Variants in PRPH2 observed in about 807,000 individuals in gnomAD.
The protein encoded by PRPH2 is peripherin 2, also known as peripherin-2.
In PRPH2, 17 loss-of-function variants were observed where a neutral mutation model predicts 31.3. The observed-to-expected ratio is 0.54, with a 90% confidence interval of 0.37 to 0.81. The LOEUF is 0.81. Ranked by LOEUF, PRPH2 falls within the 40% of genes least tolerant of loss-of-function variation. The probability of loss-of-function intolerance (pLI) is 0.00; values close to 1 mark genes in which losing one functional copy is unlikely to be tolerated. For missense variants in PRPH2, 430 were observed against 439.7 expected (o/e 0.98, Z 0.20); for synonymous variants, 165 against 184.4 (o/e 0.89, Z 0.85).
At chr6:42,719,331 C>T (rs1212823888) in intron 1 of PRPH2, among the ~76,000 whole-genome samples, 9 of 151,988 alleles carry the variant, frequency 5.9e-5, no homozygotes, top group Admixed American at 2.0e-4. Flanking sequence ...CATGCCACCA[C>T]ACCCAGCTAA....
At chr6:42,710,659 C>T (rs1400738506) in intron 1 of PRPH2, among the ~76,000 whole-genome samples, 3 of 152,116 alleles carry the variant, frequency 2.0e-5, no homozygotes, top group Admixed American at 6.6e-5. Context: ...GGAGGAGTCA[C>T]TAGGGTTTGA....
chr6:42,698,390 A>C lies in PRPH2; in HGVS notation c.946T>G (p.Trp316Gly), dbSNP rs202230698. ...WLLERSVPET[W>G]KAFLESVKKL... The stretch of plus-strand genomic sequence containing the variant: ...TTCACACTCTCCAGAAAGGCCTTCC[A>C]GGTCTCCGGCACGCTCCTCTCCAGC... The change falls in exon 3 of 3, where the codon TGG becomes GGG. Residue 316 changes from tryptophan (W) to glycine (G), a missense_variant. Coordinates refer to ENST00000230381, the MANE Select transcript of PRPH2 (RefSeq NM_000322.5). The C allele has an allele frequency of 3.6e-5, 58 of 1,613,876 alleles. No homozygotes were observed. In the East Asian group the frequency reaches 5.1e-4, roughly 14 times the overall value.
intron 1 of PRPH2, among the ~76,000 whole-genome samples, chr6:42,716,618 T>TG (rs1167525905): frequency 0.019 from 2,560 of 137,274 alleles, 129 homozygotes; most frequent in African/African-American, 0.064. Flanking sequence ...GTTGGTTTTT[T>TG]TTTTTTTTTT....
chr6:42,705,215 T>G (rs1800131816), intron 1 of PRPH2, among the ~76,000 whole-genome samples: 1 of 152,200 alleles, frequency 6.6e-6, no homozygotes, highest in Admixed American at 6.5e-5. Context: ...TCCAGGCTGA[T>G]GGGCGGGGCT....
chr6:42,710,533 C>CT (rs1031573671), intron 1 of PRPH2, among the ~76,000 whole-genome samples: 4 of 152,204 alleles, frequency 2.6e-5, no homozygotes, highest in Admixed American at 2.6e-4. Context: ...CTCTCACCCT[C>CT]TTAAGACAAA....
Position 42,722,188 on chromosome 6 carries a change from G to A in PRPH2, c.147C>T (p.Ser49=), listed in dbSNP as rs372456408. Residue 49 remains serine (S), a synonymous_variant, in exon 1 of 3, where the codon AGC becomes AGT. Coordinates refer to ENST00000230381, the MANE Select transcript of PRPH2 (RefSeq NM_000322.5). The surrounding 1 kb of genome is among the most constrained non-coding windows in gnomAD (Gnocchi z 4.4). ...LFLKIELRKR[S]DVMNNSESHF... ...GGCTCTCAGAATTATTCATCACATC[G>A]CTCCTCTTTCGGAGTTCAATCTTCA... 9.3e-6 allele frequency: 15 copies of A among 1,614,012 alleles called. No homozygotes were observed. Among genetic ancestry groups the A allele is most frequent in the Admixed American group, 6.7e-5 (4 of 59,996 alleles).
intron 1 of PRPH2, among the ~76,000 whole-genome samples, chr6:42,716,255 G>T (rs1307642986): frequency 6.6e-6 from 1 of 151,642 alleles, no homozygotes; most frequent in African/African-American, 2.4e-5. Flanking sequence ...TGGGGAGAGG[G>T]GAAACAAAAA....
chr6:42,703,309 C>T (rs1800080873), intron 2 of PRPH2, among the ~76,000 whole-genome samples: 1 of 152,132 alleles, frequency 6.6e-6, no homozygotes. Flanking sequence ...CATTGCAAGC[C>T]CTATAGCTAC....
intron 1 of PRPH2, among the ~76,000 whole-genome samples, chr6:42,705,953 CGT>C (rs1800155706): frequency 9.2e-6 from 1 of 108,446 alleles, no homozygotes; most frequent in Non-Finnish European, 1.9e-5. Context: ...AGTGAGACCC[CGT>C]CTCAAAAAAA....
chr6:42,709,259 G>A (rs532295192), intron 1 of PRPH2, among the ~76,000 whole-genome samples: 3 of 150,808 alleles, frequency 2.0e-5, no homozygotes, highest in African/African-American at 7.4e-5. Flanking sequence ...GAACCAGGGA[G>A]GTGGAGATTG....
Position 42,697,897 on chromosome 6 carries a change from TGG to T in PRPH2, c.*396_*397del. 1 of 202,128 alleles carries T rather than the reference TGG, an allele frequency of 4.9e-6. No homozygotes were observed. The highest frequency in any genetic ancestry group is 1.0e-5 in the Non-Finnish European group (1 of 99,124). The allele number at this position is 202,128 out of a possible 1,614,324, so 12.5% of individuals were successfully genotyped here. ...ACACTTTGGATAGAGTGAAGCAACA[TGG>T]AGCTCATAAGAGGTAAATTCTAAAA... On this transcript the variant is annotated 3_prime_UTR_variant, in exon 3 of 3. Transcript: ENST00000230381.
intron 1 of PRPH2, among the ~76,000 whole-genome samples, chr6:42,709,334 T>TAAAAAA (rs58632063): frequency 0.012 from 962 of 76,966 alleles, 15 homozygotes; most frequent in East Asian, 0.08. Flanking sequence ...TGTCTCAAAT[T>TAAAAAA]AAAAAAAAAA....
chr6:42,702,685 C>A lies in PRPH2; in HGVS notation c.828+1680G>T, dbSNP rs74717455. ...AGGAGTTCAAGACCAGCTTGGCCAA[C>A]ATGGTAAAACCCCATCTCTACTAAA... On this transcript the variant is annotated intron_variant, in intron 2 of 2. Coordinates refer to ENST00000230381, the MANE Select transcript of PRPH2 (RefSeq NM_000322.5). Among the ~76,000 whole-genome samples the A allele has an allele frequency of 5.0e-4, 75 of 150,542 alleles. 2 individuals carry two copies. The East Asian group carries it at 8.3e-3, about 17-fold the overall frequency.
chr6:42,716,133 G>A (rs974365546), intron 1 of PRPH2, among the ~76,000 whole-genome samples: 29 of 152,138 alleles, frequency 1.9e-4, no homozygotes, highest in African/African-American at 6.8e-4. Flanking sequence ...TTTTCTCCAG[G>A]CTACCCATGC....
intron 2 of PRPH2, among the ~76,000 whole-genome samples, chr6:42,700,116 G>A (rs1215865998): frequency 6.6e-6 from 1 of 151,906 alleles, no homozygotes; most frequent in Non-Finnish European, 1.5e-5. Context: ...CAAAAACTTG[G>A]CACCACGCCT....
intron 1 of PRPH2, among the ~76,000 whole-genome samples, chr6:42,712,711 C>T (rs1429451639): frequency 6.6e-6 from 1 of 151,650 alleles, no homozygotes; most frequent in East Asian, 1.9e-4. Context: ...GCCACTGTGC[C>T]CAGCCTGTTT....
intron 1 of PRPH2, among the ~76,000 whole-genome samples, chr6:42,709,349 A>ACAAAAC (rs57333654): frequency 1.4e-5 from 2 of 147,776 alleles, no homozygotes; most frequent in East Asian, 4.1e-4. Flanking sequence ...AAAAAAAAAA[A>ACAAAAC]AAAAAACTTG....
rs1761914575 is a variant in PRPH2, at chr6:42,722,072, G to A, written c.263C>T (p.Pro88Leu). ...AGKICYDALD[P>L]AKYARWKPWL... ...GGGCTTCCATCTGGCATACTTGGCT[G>A]GGTCCAGGGCGTCGTAGCAGATCTT... The change falls in exon 1 of 3, where the codon CCA becomes CTA. Residue 88 changes from proline (P) to leucine (L), a missense_variant. Transcript: ENST00000230381. This position sits in a 1 kb window ranked among gnomAD's most constrained non-coding sequence, Gnocchi z 4.4. 1 of 1,614,190 alleles carries A rather than the reference G, an allele frequency of 6.2e-7. No individual in the cohort carries two copies. Among genetic ancestry groups the A allele is most frequent in the Non-Finnish European group, 8.5e-7 (1 of 1,180,022 alleles).
rs61755797 is a variant in PRPH2 at position 42,704,565 on chromosome 6, G to C, written c.628C>G (p.Pro210Ala). The C allele has an allele frequency of 6.2e-7, 1 of 1,614,168 alleles. No individual in the cohort carries two copies. The highest frequency in any genetic ancestry group is 1.1e-5 in the South Asian group (1 of 91,076). Residue 210 changes from proline to alanine, a missense_variant, in exon 2 of 3, where the codon CCT becomes GCT. By Grantham distance (27) the Pro-to-Ala change is conservative. Coordinates refer to ENST00000230381, the MANE Select transcript of PRPH2 (RefSeq NM_000322.5). ...GAGCTAGGATTGCAGCAGCTGAAAG[G>C]GACGCCGTCCACCAGGTACCGCCCA... is the stretch of plus-strand genomic sequence containing the variant. ...VDGRYLVDGV[P>A]FSCCNPSSPR... is the part of the protein sequence containing the mutation.
Sources: gnomAD v4.1 joint callset for allele counts (sites outside exome capture counted in the v4.1 genomes callset) on GRCh38, gnomAD v4.1.1 for gene constraint, Gnocchi (gnomAD v3.1) non-coding constraint, MANE v1.5 for transcripts, NCBI Gene and HGNC (gene_info 2026-07-23, HGNC 2026-07-21) for gene names.